The following SPATS2L variants were observed in gnomAD, a reference collection of about 807,000 sequenced individuals.
SPATS2L encodes the protein spermatogenesis associated serine rich 2 like, also known as SPATS2-like protein.
A neutral mutation model predicts 59.6 loss-of-function variants in SPATS2L; 30 were observed. The observed-to-expected ratio is 0.50, with a 90% confidence interval of 0.38 to 0.68. SPATS2L has a LOEUF of 0.68. Among genes scored for constraint, SPATS2L ranks in the 30% least tolerant of loss-of-function variants. The pLI, the probability that SPATS2L is intolerant of heterozygous loss-of-function variation, is 0.00. For synonymous variants in SPATS2L, 252 were observed against 263.5 expected (o/e 0.96, Z 0.42); for missense variants, 615 against 700.0 (o/e 0.88, Z 1.37).
At chr2:200,368,769 G>A (rs2081337172) in intron 2 of SPATS2L, among the ~76,000 whole-genome samples, 1 of 152,160 alleles carries the variant, frequency 6.6e-6, no homozygotes, top group African/African-American at 2.4e-5. Flanking sequence ...CTCTGAAAGA[G>A]AAGATGACTG....
intron 1 of SPATS2L, among the ~76,000 whole-genome samples, chr2:200,307,487 C>A (rs1043800175): frequency 6.6e-6 from 1 of 152,018 alleles, no homozygotes; most frequent in Admixed American, 6.6e-5. Flanking sequence ...GCGTTGGCGT[C>A]CGCGCTGCGC....
chr2:200,368,652 T>A (rs1305893874), intron 2 of SPATS2L, among the ~76,000 whole-genome samples: 2 of 152,222 alleles, frequency 1.3e-5, no homozygotes, highest in African/African-American at 2.4e-5. Flanking sequence ...TAAGCTTTTG[T>A]GCTAACTAAG....
At chr2:200,323,351 A>G (rs1246954462) in intron 1 of SPATS2L, among the ~76,000 whole-genome samples, 2 of 152,180 alleles carry the variant, frequency 1.3e-5, no homozygotes, top group African/African-American at 4.8e-5. Context: ...TTTGCTTATG[A>G]TTTGTTTCTA....
At chr2:200,322,780 T>A (rs1269722560) in intron 1 of SPATS2L, among the ~76,000 whole-genome samples, 4 of 152,248 alleles carry the variant, frequency 2.6e-5, no homozygotes, top group Non-Finnish European at 1.5e-5. Context: ...TCCTGATTTG[T>A]CATTTTGTGG....
chr2:200,433,869 T>G (rs2084101800), intron 6 of SPATS2L, among the ~76,000 whole-genome samples: 2 of 152,040 alleles, frequency 1.3e-5, no homozygotes, highest in Admixed American at 6.6e-5. Flanking sequence ...CCATGAACAT[T>G]TGAGGAATAA....
At chr2:200,469,308 A>C (rs770325493) in intron 10 of SPATS2L, among the ~76,000 whole-genome samples, 4 of 152,066 alleles carry the variant, frequency 2.6e-5, no homozygotes, top group Admixed American at 6.5e-5. Context: ...CCATTGCTAA[A>C]CTCCCTGGTA....
At chr2:200,375,674 G>A (rs2081575264) in intron 2 of SPATS2L, among the ~76,000 whole-genome samples, 1 of 152,152 alleles carries the variant, frequency 6.6e-6, no homozygotes, top group Non-Finnish European at 1.5e-5. Context: ...CATCCAGGCT[G>A]GAGTGCCAGT....
intron 2 of SPATS2L, among the ~76,000 whole-genome samples, chr2:200,367,593 G>T (rs1031578531): frequency 1.3e-5 from 2 of 152,152 alleles, no homozygotes; most frequent in African/African-American, 4.8e-5. Context: ...GTTTGTTTGC[G>T]TGCAGCGTTT....
chr2:200,470,145 C>T (rs2086915505), intron 11 of SPATS2L, 129 bp downstream of exon 11: 1 of 666,550 alleles, frequency 1.5e-6, no homozygotes, highest in African/African-American at 1.8e-5. Flanking sequence ...ATTTAATGAT[C>T]TAAGCTCATG....
At chr2:200,352,131 T>C (rs2080754489) in intron 2 of SPATS2L, among the ~76,000 whole-genome samples, 1 of 152,008 alleles carries the variant, frequency 6.6e-6, no homozygotes, top group Non-Finnish European at 1.5e-5. Flanking sequence ...CAATGCCTCA[T>C]GGTTTACAAC....
rs139461604 is a variant in SPATS2L, at chr2:200,474,594, T to C, written c.1281+1542T>C. ...CTGAGATTACAGGCATGAGCCACCA[T>C]GCCTGGCCTCTCTGTTCATTATTAA... is the stretch of plus-strand genomic sequence containing the variant. On this transcript the variant is annotated intron_variant, in intron 12 of 12. Coordinates refer to ENST00000409140, the MANE Select transcript of SPATS2L (RefSeq NM_001100423.2). Among the ~76,000 whole-genome samples, 516 of 152,308 alleles carry C rather than the reference T, an allele frequency of 3.4e-3. 1 individual carries two copies. The highest frequency in any genetic ancestry group is 4.4e-3 in the Non-Finnish European group (299 of 68,026).
At chr2:200,413,801 G>T (rs1334688680) in intron 4 of SPATS2L, among the ~76,000 whole-genome samples, 3 of 152,168 alleles carry the variant, frequency 2.0e-5, no homozygotes, top group Non-Finnish European at 4.4e-5. Context: ...ATTAGCAAAT[G>T]ATTATCATTC....
At chr2:200,330,355 A>C (rs1391897500) in intron 2 of SPATS2L, among the ~76,000 whole-genome samples, 1 of 152,174 alleles carries the variant, frequency 6.6e-6, no homozygotes, top group Non-Finnish European at 1.5e-5. Flanking sequence ...TAAATGTAAA[A>C]CTTTTGTGGT....
intron 5 of SPATS2L, among the ~76,000 whole-genome samples, chr2:200,418,336 G>T (rs1187978492): frequency 6.6e-6 from 1 of 152,086 alleles, no homozygotes; most frequent in Non-Finnish European, 1.5e-5. Context: ...ACTTTGGGAG[G>T]CAGAGGCAAG....
At chr2:200,330,466 C>G (rs1002015286) in intron 2 of SPATS2L, among the ~76,000 whole-genome samples, 21 of 152,160 alleles carry the variant, frequency 1.4e-4, no homozygotes, top group Admixed American at 2.6e-4. Context: ...ATTTGAATCA[C>G]AATGAAAGCA....
At chr2:200,353,855 CCT>C (rs1208086044) in intron 2 of SPATS2L, among the ~76,000 whole-genome samples, 1 of 152,186 alleles carries the variant, frequency 6.6e-6, no homozygotes, top group Non-Finnish European at 1.5e-5. Context: ...GAACTCTGGT[CCT>C]CTCTTTATAG....
At chr2:200,361,838 A>C (rs569216030) in intron 2 of SPATS2L, among the ~76,000 whole-genome samples, 2 of 152,224 alleles carry the variant, frequency 1.3e-5, no homozygotes, top group Admixed American at 1.3e-4. Flanking sequence ...AAGAAAAACT[A>C]TAATGTTAAT....
intron 2 of SPATS2L, chr2:200,373,412 A>G (rs557935536): frequency 1.4e-4 from 22 of 152,358 alleles, no homozygotes; most frequent in African/African-American, 5.1e-4. Flanking sequence ...GAAAGCTTGG[A>G]ACAAAAAATG....
intron 6 of SPATS2L, among the ~76,000 whole-genome samples, chr2:200,432,824 C>T (rs1402882174): frequency 6.6e-6 from 1 of 151,816 alleles, no homozygotes; most frequent in Non-Finnish European, 1.5e-5. Flanking sequence ...ACAGTTCAGA[C>T]GATGAAGAAG....
Sources: gnomAD v4.1 joint callset for allele counts (sites outside exome capture counted in the v4.1 genomes callset) on GRCh38, gnomAD v4.1.1 for gene constraint, MANE v1.5 for transcripts, NCBI Gene and HGNC (gene_info 2026-07-23, HGNC 2026-07-21) for gene names.